The following SLC39A12 variants were observed in gnomAD, a reference collection of about 807,000 sequenced individuals.
SLC39A12 encodes the protein zinc transporter ZIP12.
SLC39A12 carries 63 observed loss-of-function variants against 71.1 expected under a neutral mutation model. That is an observed-to-expected ratio of 0.89 (90% confidence interval 0.72 to 1.09). SLC39A12 has a LOEUF of 1.09. Among genes scored for constraint, SLC39A12 ranks in the 50% least tolerant of loss-of-function variants. SLC39A12 has a pLI of 0.00. For synonymous variants in SLC39A12, 351 were observed against 301.3 expected (o/e 1.16, Z -1.71); for missense variants, 892 against 812.6 (o/e 1.10, Z -1.19).
At chr10:18,012,855 G>C in intron 12 of SLC39A12, among the ~76,000 whole-genome samples, 1 of 114,658 alleles carries the variant, frequency 8.7e-6, no homozygotes, top group Non-Finnish European at 1.7e-5. Context: ...GACAAGGTGA[G>C]ACTACGTCTC....
intron 12 of SLC39A12, among the ~76,000 whole-genome samples, chr10:18,028,928 C>G (rs1248857974): frequency 6.6e-6 from 1 of 152,196 alleles, no homozygotes; most frequent in Non-Finnish European, 1.5e-5. Context: ...CCATACTGGT[C>G]AGGCTGGTCT....
rs140968814 is a variant in SLC39A12 at position 17,987,628 on chromosome 10, G to T, written c.1246G>T (p.Ala416Ser). 6 of 1,614,108 alleles carry T rather than the reference G, an allele frequency of 3.7e-6. No individual in the cohort carries two copies. The highest frequency in any genetic ancestry group is 1.1e-5 in the South Asian group (1 of 91,080). The change falls in exon 7 of 13, where the codon GCT becomes TCT. Residue 416 changes from alanine (A) to serine (S), a missense_variant. Coordinates refer to ENST00000377369, the MANE Select transcript of SLC39A12 (RefSeq NM_001145195.2). ...GLAVGTLSGD[A>S]LLHLIPQVLG... ...GGCCGTCGGGACACTGTCTGGGGAC[G>T]CTCTGCTCCACCTTATCCCTCAGGT...
chr10:17,957,040 ACCTGAG>A (rs1834569212), intron 2 of SLC39A12, among the ~76,000 whole-genome samples: 5 of 152,106 alleles, frequency 3.3e-5, no homozygotes, highest in African/African-American at 4.8e-5. Context: ...CCTTATAGAA[ACCTGAG>A]AACTTAAAAG....
At position 17,964,862 on chromosome 10, in the gene SLC39A12, G is replaced by A. The variant is rs115188064; in HGVS notation, c.544-621G>A. 8.7e-3 allele frequency among the ~76,000 whole-genome samples: 1,328 copies of A among 152,304 alleles called. 23 individuals carry two copies. Among genetic ancestry groups the A allele is most frequent in the African/African-American group, 0.03 (1,258 of 41,562 alleles). ...GAGAGAAACAACCCACCAGTTTTAA[G>A]GATGTTAAACAATAAGAGCAGGAGT... is the stretch of plus-strand genomic sequence containing the variant. On this transcript the variant is annotated intron_variant, in intron 3 of 12. Transcript: ENST00000377369.
intron 12 of SLC39A12, among the ~76,000 whole-genome samples, chr10:18,035,296 A>G: frequency 7.2e-6 from 1 of 139,240 alleles, no homozygotes. Context: ...AATCAGACAT[A>G]GATTTGGTCT....
chr10:18,011,227 T>C (rs543636113), intron 12 of SLC39A12, among the ~76,000 whole-genome samples: 1 of 152,010 alleles, frequency 6.6e-6, no homozygotes, highest in East Asian at 1.9e-4. Context: ...GTAGCTGGGA[T>C]TGCAAACATG....
rs1332104822 is a variant in SLC39A12 at position 17,978,025 on chromosome 10, C to T, written c.875C>T (p.Ser292Phe). 1.1e-5 allele frequency: 18 copies of T among 1,604,586 alleles called. No homozygotes were observed. Among genetic ancestry groups the T allele is most frequent in the Non-Finnish European group, 1.4e-5 (16 of 1,176,590 alleles). The change falls in exon 5 of 13, where the codon TCT (serine) becomes TTT (phenylalanine). Residue 292 changes from serine (S) to phenylalanine (F), a missense_variant. Physicochemically the swap from Ser to Phe is radical, Grantham distance 155 (BLOSUM62 -2). Coordinates refer to ENST00000377369, the MANE Select transcript of SLC39A12 (RefSeq NM_001145195.2). The stretch of plus-strand genomic sequence containing the variant: ...CATGATCAGGACTATTCTAATTTCT[C>T]TTCATCCATGGAAAAAGAGTCTGAG... ...ITHDQDYSNF[S>F]SSMEKESEDG...
At chr10:17,963,891 C>T (rs1834756041) in intron 3 of SLC39A12, among the ~76,000 whole-genome samples, 2 of 152,172 alleles carry the variant, frequency 1.3e-5, no homozygotes, top group Admixed American at 1.3e-4. Flanking sequence ...AGGCAAGCTC[C>T]CTAATGGCTC....
chr10:17,983,843 T>C (rs1835335169), intron 6 of SLC39A12, among the ~76,000 whole-genome samples: 1 of 152,094 alleles, frequency 6.6e-6, no homozygotes, highest in South Asian at 2.1e-4. Context: ...AATGTTGCAT[T>C]ATGTGAATAG....
intron 12 of SLC39A12, among the ~76,000 whole-genome samples, chr10:18,033,956 T>C (rs372566908): frequency 2.9e-4 from 43 of 149,786 alleles, no homozygotes; most frequent in Admixed American, 4.0e-4. Flanking sequence ...TGTAGTTGAG[T>C]GGCTTTGAGT....
In SLC39A12 at chr10:18,036,775, TATATATA is replaced by T. The variant is rs1837047885; in HGVS notation, c.1948-5929_1948-5923del. Among the ~76,000 whole-genome samples, 12 of 22,278 alleles carry T rather than the reference TATATATA, an allele frequency of 5.4e-4. 1 individual carries two copies. The highest frequency in any genetic ancestry group is 1.9e-3 in the African/African-American group (11 of 5,668). 14.6% of individuals were successfully genotyped at this position (22,278 alleles called of 152,430 possible). On this transcript the variant is annotated intron_variant, in intron 12 of 12. Coordinates refer to ENST00000377369, the MANE Select transcript of SLC39A12 (RefSeq NM_001145195.2). ...ATATATATATATATATATATATATA[TATATATA>T]TATATATATATATTTTTTTTTTTAA...
At chr10:17,967,894 A>T (rs1564640920) in intron 4 of SLC39A12, among the ~76,000 whole-genome samples, 2 of 117,850 alleles carry the variant, frequency 1.7e-5, no homozygotes, top group African/African-American at 7.3e-5. Flanking sequence ...CTCAAAAAAA[A>T]AAAAATATAT....
chr10:18,017,223 A>T (rs1460022023), intron 12 of SLC39A12, among the ~76,000 whole-genome samples: 2 of 152,172 alleles, frequency 1.3e-5, no homozygotes, highest in Non-Finnish European at 2.9e-5. Context: ...GCTATACCTA[A>T]GGTCACCTAG....
At chr10:17,954,538 G>A (rs1268807347) in intron 2 of SLC39A12, among the ~76,000 whole-genome samples, 1 of 152,202 alleles carries the variant, frequency 6.6e-6, no homozygotes, top group Non-Finnish European at 1.5e-5. Flanking sequence ...ACAGGTGTGA[G>A]CCACGGCGCC....
chr10:17,999,236 A>G (rs1430923858), intron 10 of SLC39A12, among the ~76,000 whole-genome samples: 1 of 132,494 alleles, frequency 7.5e-6, no homozygotes, highest in South Asian at 2.6e-4. Context: ...CGGAGGTTGT[A>G]GTGAGCCTAG....
At chr10:17,995,434 G>A (rs1835659097) in intron 9 of SLC39A12, among the ~76,000 whole-genome samples, 1 of 152,208 alleles carries the variant, frequency 6.6e-6, no homozygotes, top group Non-Finnish European at 1.5e-5. Context: ...TGATCTACCT[G>A]AGAGTGCTAT....
rs746691202 is a variant in SLC39A12, at chr10:18,036,794, A to ATTTTTT, written c.1948-5905_1948-5900dup. Among the ~76,000 whole-genome samples, 299 of 92,796 alleles carry ATTTTTT rather than the reference A, an allele frequency of 3.2e-3. 25 individuals carry two copies. Among genetic ancestry groups the ATTTTTT allele is most frequent in the South Asian group, 8.3e-3 (19 of 2,298 alleles). 60.9% of individuals were successfully genotyped at this position (92,796 alleles called of 152,430 possible). On this transcript the variant is annotated intron_variant, in intron 12 of 12. Transcript: ENST00000377369. ...TATATATATATATATATATATATAT[A>ATTTTTT]TTTTTTTTTTTAATGGAATCTCACT...
chr10:17,983,014 C>A lies in SLC39A12; in HGVS notation c.1096+1531C>A, dbSNP rs891920599. Among the ~76,000 whole-genome samples the A allele has an allele frequency of 8.6e-5, 13 of 151,366 alleles. No homozygotes were observed. In the South Asian group the frequency reaches 2.5e-3, roughly 29 times the overall value. ...GACCATCCTGGCTAACGCAGTGAAA[C>A]CCCGTCTCTACTAAAAATTAAAAAT... On this transcript the variant is annotated intron_variant, in intron 6 of 12. Transcript: ENST00000377369.
chr10:18,038,369 G>A (rs925589539), intron 12 of SLC39A12, among the ~76,000 whole-genome samples: 2 of 152,134 alleles, frequency 1.3e-5, no homozygotes, highest in Non-Finnish European at 2.9e-5. Context: ...TTGGACAATT[G>A]TTTTAAAAAT....
Sources: allele counts gnomAD v4.1 joint callset (sites outside exome capture counted in the v4.1 genomes callset), GRCh38; gene constraint gnomAD v4.1.1; transcripts MANE v1.5; gene names NCBI Gene and HGNC (gene_info 2026-07-23, HGNC 2026-07-21).